Variants in AEBP2 observed in about 807,000 individuals in gnomAD.
The protein encoded by AEBP2 is AE binding protein 2, also known as zinc finger protein AEBP2.
Under a neutral mutation model 50.8 loss-of-function variants are expected in AEBP2, and 10 were observed. The observed-to-expected ratio is 0.20, with a 90% CI of 0.12 to 0.33. The LOEUF is 0.33. AEBP2 is among the 10% of genes least tolerant of loss of function. AEBP2 has a pLI of 1.00. For missense variants in AEBP2, 570 were observed against 688.0 expected, an observed-to-expected ratio of 0.83 and a Z score of 1.92; for synonymous variants, 296 against 261.3, an observed-to-expected ratio of 1.13 and a Z score of -1.28.
upstream of AEBP2, among the ~76,000 whole-genome samples, chr12:19,439,393 G>GCGGGCA (rs1424669115): frequency 7.2e-6 from 1 of 138,042 alleles, no homozygotes; most frequent in African/African-American, 2.6e-5. Context: ...GGGGGCGGGG[G>GCGGGCA]CGGGCACTGG....
At position 19,518,557 on chromosome 12, in the gene AEBP2, G is replaced by A. The variant is rs1177216355; in HGVS notation, c.*440G>A. On this transcript the variant is annotated 3_prime_UTR_variant, in exon 8 of 8. Transcript: ENST00000266508. ...CTGTAAGGATATTTGTCTTGACAGT[G>A]TTTATTGATTTGAAGTCATATTAGG... 1 of 1,325,154 alleles carries A rather than the reference G, an allele frequency of 7.5e-7. No homozygotes were observed. Among genetic ancestry groups the A allele is most frequent in the African/African-American group, 1.5e-5 (1 of 67,284 alleles). The allele number at this position is 1,325,154 out of a possible 1,614,324, so 82.1% of individuals were successfully genotyped here.
At chr12:19,463,667 A>ATT (rs34007914) in intron 2 of AEBP2, among the ~76,000 whole-genome samples, 29,191 of 84,732 alleles carry the variant, frequency 0.34, 6,381 homozygotes, top group Non-Finnish European at 0.45. Flanking sequence ...TCATACTTGA[A>ATT]TTTTTTTTTT....
At chr12:19,474,101 C>G (rs1186990943) in intron 3 of AEBP2, among the ~76,000 whole-genome samples, 1 of 152,140 alleles carries the variant, frequency 6.6e-6, no homozygotes, top group Non-Finnish European at 1.5e-5. Flanking sequence ...GTTTTGAGGT[C>G]ACACTACTGA....
In AEBP2 at chr12:19,440,237, G is replaced by A. The variant is rs754672775; in HGVS notation, c.538G>A (p.Val180Ile). 17 of 1,474,486 alleles carry A rather than the reference G, an allele frequency of 1.2e-5. No individual in the cohort carries two copies. Among genetic ancestry groups the A allele is most frequent in the Middle Eastern group, 2.2e-4 (1 of 4,506 alleles). 91.3% of individuals were successfully genotyped at this position (1,474,486 alleles called of 1,614,324 possible). The change falls in exon 1 of 8, where the codon GTA (valine) becomes ATA (isoleucine). Residue 180 changes from valine (V) to isoleucine (I), a missense_variant. By Grantham distance (29) the Val-to-Ile change is conservative. This residue lies in a region of AEBP2 where 386 missense variants were observed against 336.8 expected (regional missense o/e 1.15). Coordinates refer to ENST00000266508, the MANE Select transcript of AEBP2 (RefSeq NM_153207.5). ...GGGGGSSSSS[V>I]VSSGGDEGYG... ...CGGGGGCGGCAGCAGTAGCAGCAGC[G>A]TAGTCTCCAGCGGCGGCGACGAGGG...
At chr12:19,503,926 G>C (rs1362584732) in intron 5 of AEBP2, among the ~76,000 whole-genome samples, 1 of 151,904 alleles carries the variant, frequency 6.6e-6, no homozygotes, top group African/African-American at 2.4e-5. Context: ...CAATCTCCTG[G>C]GTTCAAGAGA....
intron 3 of AEBP2, among the ~76,000 whole-genome samples, chr12:19,480,167 A>G (rs951345614): frequency 2.6e-5 from 4 of 152,170 alleles, no homozygotes; most frequent in African/African-American, 7.2e-5. Context: ...CAGTGGCACA[A>G]TCTTGGCTCA....
intron 2 of AEBP2, among the ~76,000 whole-genome samples, chr12:19,469,713 CT>C (rs1408229165): frequency 1.3e-5 from 2 of 152,172 alleles, no homozygotes; most frequent in Non-Finnish European, 2.9e-5. Context: ...TCCAGAGCAG[CT>C]GGGATTCTAC....
chr12:19,461,312 T>C (rs1229957661), intron 1 of AEBP2, among the ~76,000 whole-genome samples: 1 of 152,100 alleles, frequency 6.6e-6, no homozygotes. Flanking sequence ...AAAAAGAAAA[T>C]AAGTGAATTG....
intron 1 of AEBP2, chr12:19,457,730 A>C (rs1732405552): frequency 1.2e-6 from 1 of 856,232 alleles, no homozygotes; most frequent in Admixed American, 3.6e-5. Context: ...CTAGTCAGAG[A>C]GATCTTTTCG....
intron 5 of AEBP2, among the ~76,000 whole-genome samples, chr12:19,511,263 T>C (rs1949228154): frequency 6.6e-6 from 1 of 152,194 alleles, no homozygotes; most frequent in Non-Finnish European, 1.5e-5. Context: ...TATCTGAATA[T>C]GATAACTGTT....
chr12:19,471,837 A>C (rs1948578390), intron 2 of AEBP2, among the ~76,000 whole-genome samples: 1 of 152,098 alleles, frequency 6.6e-6, no homozygotes, highest in Non-Finnish European at 1.5e-5. Flanking sequence ...GGTGCATATA[A>C]GTATTGCTTT....
chr12:19,483,588 A>T (rs1430374259), intron 3 of AEBP2, among the ~76,000 whole-genome samples: 3 of 152,116 alleles, frequency 2.0e-5, no homozygotes, highest in African/African-American at 7.2e-5. Flanking sequence ...TGGGAGCTGC[A>T]TGTTAGCCCT....
upstream of AEBP2, among the ~76,000 whole-genome samples, chr12:19,436,246 A>G (rs1422523764): frequency 1.3e-5 from 2 of 152,198 alleles, no homozygotes; most frequent in African/African-American, 4.8e-5. Context: ...TGCCATGCCA[A>G]TGTCGGGAAG....
intron 1 of AEBP2, among the ~76,000 whole-genome samples, chr12:19,423,439 G>A (rs80010216): frequency 0.046 from 7,040 of 152,102 alleles, 338 homozygotes; most frequent in Admixed American, 0.13. Context: ...ACAGAGTGAG[G>A]ATTTCCTCAA....
upstream of AEBP2, among the ~76,000 whole-genome samples, chr12:19,439,292 G>A (rs1279896117): frequency 1.3e-5 from 2 of 152,008 alleles, no homozygotes; most frequent in Admixed American, 6.6e-5. Flanking sequence ...GCCAGCGTTG[G>A]AGTTTTCAGT....
At chr12:19,515,491 A>G (rs1280849795) in intron 7 of AEBP2, among the ~76,000 whole-genome samples, 1 of 152,204 alleles carries the variant, frequency 6.6e-6, no homozygotes, top group Non-Finnish European at 1.5e-5. Context: ...TGAACTCCAT[A>G]GTGCCTGTAT....
chr12:19,496,044 T>C (rs1683370853), intron 4 of AEBP2, among the ~76,000 whole-genome samples: 1 of 152,130 alleles, frequency 6.6e-6, no homozygotes, highest in South Asian at 2.1e-4. Context: ...CCAGATGACT[T>C]TTCCACCAGT....
chr12:19,409,749 C>G (rs574768700), intron 1 of AEBP2, among the ~76,000 whole-genome samples: 2 of 152,264 alleles, frequency 1.3e-5, no homozygotes, highest in African/African-American at 2.4e-5. Context: ...TAGTGGAAGG[C>G]TTTTTTCATT....
In AEBP2 at chr12:19,431,487, C is replaced by T. The variant is rs73337308; in HGVS notation, c.-17+27271C>T. On this transcript the variant is annotated intron_variant, in intron 1 of 3. Coordinates refer to the AEBP2 transcript ENST00000538425. ...AAAATGTGGCAGCTATGCTATTCAC[C>T]TTTCACATTTTGCCTATCTTTTTAT... Among the ~76,000 whole-genome samples, 807 of 152,254 alleles carry T rather than the reference C, an allele frequency of 5.3e-3. 6 individuals are homozygous for T. The highest frequency in any genetic ancestry group is 0.015 in the African/African-American group (633 of 41,564).
Sources: gnomAD v4.1 joint callset for allele counts (sites outside exome capture counted in the v4.1 genomes callset) on GRCh38, gnomAD v4.1.1 for gene constraint, gnomAD v4.1.1 regional missense constraint, MANE v1.5 for transcripts, NCBI Gene and HGNC (gene_info 2026-07-23, HGNC 2026-07-21) for gene names.